Variants in PFDN6 observed in about 807,000 individuals in gnomAD.
The protein encoded by PFDN6 is prefoldin subunit 6.
A neutral mutation model predicts 19.3 loss-of-function variants in PFDN6; 5 were observed. That is an observed-to-expected ratio of 0.26 (90% CI 0.14 to 0.55). The LOEUF (loss-of-function observed/expected upper bound fraction) is 0.55, where lower values mean the gene tolerates loss of function less well. Ranked by LOEUF, PFDN6 falls within the 20% of genes least tolerant of loss-of-function variation. The pLI is 0.94. For missense variants in PFDN6, 101 were observed against 149.4 expected (o/e 0.68, Z 1.69); for synonymous variants, 51 against 63.4 (o/e 0.80, Z 0.93).
rs1767118841 is a variant in PFDN6, at chr6:33,289,709, A to G, written c.-148A>G. 1 of 619,856 alleles carries G rather than the reference A, an allele frequency of 1.6e-6. No individual in the cohort carries two copies. The highest frequency in any genetic ancestry group is 2.6e-6 in the Non-Finnish European group (1 of 380,018). The allele number at this position is 619,856 out of a possible 1,614,324, so 38.4% of individuals were successfully genotyped here. On this transcript the variant is annotated 5_prime_UTR_variant, in exon 1 of 4. Transcript: ENST00000374606. The stretch of plus-strand genomic sequence containing the variant: ...GGACAGGGTGGAGTCGATATCCGGG[A>G]CGGGGGGGAGGTTGCGGTGCCCCTC...
At chr6:33,290,668 G>C in intron 3 of PFDN6, 48 bp from the exon 4 acceptor site, 5 of 1,603,316 alleles carry the variant, frequency 3.1e-6, no homozygotes, top group Non-Finnish European at 4.3e-6. Context: ...TCCATAGTGA[G>C]TCCTACTAAT....
At position 33,289,938 on chromosome 6, in the gene PFDN6, G is replaced by C; in HGVS notation, c.64+18G>C. ...ACAGAAGGGTAAGGGAACAGGGTCGGTATGGTCTCGCCCAATGCACTTACA... is the reference window on the plus strand; with the variant it reads ...ACAGAAGGGTAAGGGAACAGGGTCGCTATGGTCTCGCCCAATGCACTTACA... On this transcript the variant is annotated intron_variant, in intron 1 of 3. Transcript: ENST00000374606. 1.9e-6 allele frequency: 3 copies of C among 1,594,044 alleles called. No homozygotes were observed. The highest frequency in any genetic ancestry group is 2.6e-6 in the Non-Finnish European group (3 of 1,168,150).
chr6:33,289,469 A>T (rs535794776), upstream of PFDN6: 18 of 1,286,914 alleles, frequency 1.4e-5, no homozygotes, highest in African/African-American at 2.3e-4. Flanking sequence ...ATCTTGCCTA[A>T]AAATGTCCTA....
intron 1 of PFDN6, 36 bp from the exon 2 acceptor site, chr6:33,290,138 T>A (rs373042433): frequency 1.1e-5 from 17 of 1,606,426 alleles, no homozygotes; most frequent in Non-Finnish European, 1.4e-5. Flanking sequence ...GGTGGCACAT[T>A]TGATGTTTCT....
chr6:33,290,863 G>A lies in PFDN6; in HGVS notation c.*18G>A, dbSNP rs1027318241. 1.3e-6 allele frequency: 2 copies of A among 1,575,780 alleles called. No homozygotes were observed. Among genetic ancestry groups the A allele is most frequent in the African/African-American group, 1.3e-5 (1 of 74,162 alleles). On this transcript the variant is annotated 3_prime_UTR_variant, in exon 4 of 4. Coordinates refer to ENST00000374606, the MANE Select transcript of PFDN6 (RefSeq NM_001185181.3). ...AGGCCTGACCCCATGGTGGGGGGAG[G>A]GGAGGGGAGGGGAGGGAATGAGGCA...
chr6:33,290,375 C>T lies in PFDN6; in HGVS notation c.185C>T (p.Pro62Leu). 1.2e-6 allele frequency: 2 copies of T among 1,608,080 alleles called. No homozygotes were observed. Among genetic ancestry groups the T allele is most frequent in the Non-Finnish European group, 1.7e-6 (2 of 1,176,572 alleles). ...GSNVVFKLLG[P>L]VLVKQELGEA... Reference sequence around the variant, plus strand: ...AACGTGGTCTTTAAACTTCTGGGTCCGGTGCTAGTCAAACAGGAGCTGGGG... The same window carrying T: ...AACGTGGTCTTTAAACTTCTGGGTCTGGTGCTAGTCAAACAGGAGCTGGGG... Residue 62 changes from proline to leucine, a missense_variant, in exon 3 of 4, where the codon CCG becomes CTG. Transcript: ENST00000374606.
At position 33,289,843 on chromosome 6, in the gene PFDN6, C is replaced by A. The variant is rs756667493; in HGVS notation, c.-14C>A. The A allele has an allele frequency of 2.5e-6, 4 of 1,585,704 alleles. No individual in the cohort carries two copies. The South Asian group carries it at 4.6e-5, about 18-fold the overall frequency. On this transcript the variant is annotated 5_prime_UTR_variant, in exon 1 of 4. Coordinates refer to ENST00000374606, the MANE Select transcript of PFDN6 (RefSeq NM_001185181.3). Reference sequence around the variant, plus strand: ...GCGCCCTTGTCTCGCACCCAGTAGGCTTTCATCCCCGCCATGGCGGAGCTG... The same window carrying A: ...GCGCCCTTGTCTCGCACCCAGTAGGATTTCATCCCCGCCATGGCGGAGCTG...
At position 33,289,795 on chromosome 6, in the gene PFDN6, T is replaced by A; in HGVS notation, c.-62T>A. 7.4e-7 allele frequency: 1 copy of A among 1,350,156 alleles called. No individual in the cohort carries two copies. Among genetic ancestry groups the A allele is most frequent in the Admixed American group, 2.2e-5 (1 of 44,576 alleles). 83.6% of individuals were successfully genotyped at this position (1,350,156 alleles called of 1,614,324 possible). On this transcript the variant is annotated 5_prime_UTR_variant, in exon 1 of 4. Transcript: ENST00000374606. The stretch of plus-strand genomic sequence containing the variant: ...GCCAGATCAGAAAAGGGAGCTCAGG[T>A]ACCTTCCAGAGAGTGAGACCCAGCG...
In PFDN6 at chr6:33,290,726, G is replaced by C; in HGVS notation, c.271G>C (p.Glu91Gln). 6.2e-7 allele frequency: 1 copy of C among 1,613,096 alleles called. No individual in the cohort carries two copies. Among genetic ancestry groups the C allele is most frequent in the Non-Finnish European group, 8.5e-7 (1 of 1,179,934 alleles). ...DYITAEIKRY[E>Q]SQLRDLERQS... Reference sequence around the variant, plus strand: ...CTTGTCTCTCCTTAGTAAGCGATACGAATCCCAGCTTCGGGATCTTGAGCG... The same window carrying C: ...CTTGTCTCTCCTTAGTAAGCGATACCAATCCCAGCTTCGGGATCTTGAGCG... The change falls in exon 4 of 4, where the codon GAA becomes CAA. Residue 91 changes from glutamate (E) to glutamine (Q), a missense_variant. Physicochemically the swap from Glu to Gln is conservative, Grantham distance 29. Coordinates refer to ENST00000374606, the MANE Select transcript of PFDN6 (RefSeq NM_001185181.3).
chr6:33,290,523 C>A, intron 3 of PFDN6, 73 bp downstream of exon 3: 1 of 1,509,490 alleles, frequency 6.6e-7, no homozygotes, highest in East Asian at 2.3e-5. Flanking sequence ...GGTGTTGAAC[C>A]ATTGCAGAAC....
upstream of PFDN6, chr6:33,289,558 C>T (rs1767092217): frequency 4.9e-5 from 40 of 812,518 alleles, no homozygotes; most frequent in East Asian, 1.3e-3. Flanking sequence ...AAGAAACTTC[C>T]GGCACAGTCT....
chr6:33,290,491 G>T (rs763592987), intron 3 of PFDN6, 41 bp downstream of exon 3: 14 of 1,527,196 alleles, frequency 9.2e-6, no homozygotes, highest in Non-Finnish European at 1.2e-5. Flanking sequence ...ACCCTGTGAT[G>T]CAAGTGAACC....
Position 33,289,718 on chromosome 6 carries a change from A to T in PFDN6, c.-139A>T. On this transcript the variant is annotated 5_prime_UTR_variant, in exon 1 of 4. Coordinates refer to ENST00000374606, the MANE Select transcript of PFDN6 (RefSeq NM_001185181.3). ...GGAGTCGATATCCGGGACGGGGGGG[A>T]GGTTGCGGTGCCCCTCAGGGCTACC... 1.6e-6 allele frequency: 1 copy of T among 618,736 alleles called. No homozygotes were observed. The highest frequency in any genetic ancestry group is 3.3e-5 in the South Asian group (1 of 30,192). The allele number at this position is 618,736 out of a possible 1,614,324, so 38.3% of individuals were successfully genotyped here.
At position 33,289,905 on chromosome 6, in the gene PFDN6, C is replaced by A; in HGVS notation, c.49C>A (p.Gln17Lys). 6.2e-7 allele frequency: 1 copy of A among 1,608,976 alleles called. No individual in the cohort carries two copies. Among genetic ancestry groups the A allele is most frequent in the Non-Finnish European group, 8.5e-7 (1 of 1,177,610 alleles). ...GCTACAGGGAGAAGTGGAGAAATAT[C>A]AACAGCTACAGAAGGGTAAGGGAAC... ...KKLQGEVEKY[Q>K]QLQKDLSKSM... Residue 17 changes from glutamine (Q) to lysine (K), a missense_variant, in exon 1 of 4, where the codon CAA (glutamine) becomes AAA (lysine). Physicochemically the swap from Gln to Lys is moderately conservative, Grantham distance 53. Around this residue, in one of 2 missense-constraint regions of PFDN6, gnomAD observed 54 missense variants for 108.8 expected, o/e 0.50. Transcript: ENST00000374606.
upstream of PFDN6, chr6:33,289,315 G>T (rs534200390): frequency 8.2e-5 from 119 of 1,446,708 alleles, no homozygotes; most frequent in Non-Finnish European, 1.1e-4. Flanking sequence ...TTGAGTGAGG[G>T]CACGCTCTCC....
In PFDN6 at chr6:33,289,629, G is replaced by A. The variant is rs1767104875; in HGVS notation, c.-228G>A. 3 of 581,802 alleles carry A rather than the reference G, an allele frequency of 5.2e-6. No individual in the cohort carries two copies. The highest frequency in any genetic ancestry group is 8.1e-6 in the Non-Finnish European group (3 of 371,326). 36.0% of individuals were successfully genotyped at this position (581,802 alleles called of 1,614,324 possible). ...ACTACTGAAGGAAGAACGTGAGTAG[G>A]TTAGGATTTCGGTTGAGAGGCTTGG... On this transcript the variant is annotated 5_prime_UTR_variant, in exon 1 of 4. Transcript: ENST00000374606.
intron 3 of PFDN6, 118 bp from the exon 4 acceptor site, chr6:33,290,597 CT>C (rs1288994045): frequency 1.4e-6 from 2 of 1,475,336 alleles, no homozygotes; most frequent in African/African-American, 2.8e-5. Context: ...TTTAACCCCC[CT>C]TCTTCTCCCT....
At chr6:33,290,028 C>G in intron 1 of PFDN6, 108 bp downstream of exon 1, 2 of 1,285,424 alleles carry the variant, frequency 1.6e-6, no homozygotes, top group Non-Finnish European at 2.2e-6. Context: ...AGAGACTTCC[C>G]CGCCTCAGTC....
chr6:33,289,210 T>C (rs747939694), upstream of PFDN6: 13 of 1,589,436 alleles, frequency 8.2e-6, no homozygotes, highest in Non-Finnish European at 1.1e-5. Context: ...AAAACTCCTC[T>C]CAGCTGCCAC....
Sources: gnomAD v4.1 joint callset for allele counts on GRCh38, gnomAD v4.1.1 for gene constraint, gnomAD v4.1.1 regional missense constraint, MANE v1.5 for transcripts, NCBI Gene and HGNC (gene_info 2026-07-23, HGNC 2026-07-21) for gene names.